Variants in DFFA observed in about 807,000 individuals in gnomAD.
DFFA encodes DFF45.
A neutral mutation model predicts 28.0 loss-of-function variants in DFFA; 14 were observed. That is an observed-to-expected ratio of 0.50 (90% confidence interval 0.33 to 0.78). The LOEUF is 0.78. Among genes scored for constraint, DFFA ranks in the 30% least tolerant of loss-of-function variants. The probability of loss-of-function intolerance (pLI) is 0.02; values close to 1 mark genes in which losing one functional copy is unlikely to be tolerated. For synonymous variants in DFFA, 158 were observed against 170.3 expected, an observed-to-expected ratio of 0.93 and a Z score of 0.56; for missense variants, 395 against 407.1, an observed-to-expected ratio of 0.97 and a Z score of 0.26.
At chr1:10,469,916 A>C (rs1478162725) in intron 1 of DFFA, among the ~76,000 whole-genome samples, 4 of 151,052 alleles carry the variant, frequency 2.6e-5, no homozygotes, top group Admixed American at 1.3e-4. Flanking sequence ...TCCCGGGTTC[A>C]AGCAACTCTC....
In DFFA at chr1:10,472,167, G is replaced by T; in HGVS notation, c.136+156C>A. The T allele has an allele frequency of 1.1e-6, 1 of 874,706 alleles. No individual in the cohort carries two copies. Among genetic ancestry groups the T allele is most frequent in the Non-Finnish European group, 1.6e-6 (1 of 611,082 alleles). 54.2% of individuals were successfully genotyped at this position (874,706 alleles called of 1,614,324 possible). ...AATTACGCTCAAGCGCCTTAAATCT[G>T]TAAATCGCTATGCCCACTCGGACCG... On this transcript the variant is annotated intron_variant, in intron 1 of 5. Transcript: ENST00000377038. The surrounding 1 kb of genome is among the most constrained non-coding windows in gnomAD (Gnocchi z 5.0).
chr1:10,471,985 T>G (rs1476742558), intron 1 of DFFA, among the ~76,000 whole-genome samples: 1 of 152,130 alleles, frequency 6.6e-6, no homozygotes, highest in African/African-American at 2.4e-5. Context: ...TGGGGGTTCT[T>G]GTACCATCTG....
At chr1:10,469,732 G>T (rs550102674) in intron 1 of DFFA, among the ~76,000 whole-genome samples, 1 of 151,956 alleles carries the variant, frequency 6.6e-6, no homozygotes, top group East Asian at 1.9e-4. Context: ...TGTTGACCAG[G>T]CTGGTCTCGA....
chr1:10,463,341 GCC>G, intron 4 of DFFA, 88 bp downstream of exon 4: 1 of 1,545,876 alleles, frequency 6.5e-7, no homozygotes, highest in Non-Finnish European at 8.8e-7. Context: ...GGCTTCAGTG[GCC>G]CTGGCTACAT....
Position 10,461,820 on chromosome 1 carries a change from A to G in DFFA, c.784-118T>C, listed in dbSNP as rs1013485106. 6.0e-6 allele frequency: 9 copies of G among 1,488,164 alleles called. No homozygotes were observed. The African/African-American group carries it at 7.0e-5, about 12-fold the overall frequency. The allele number at this position is 1,488,164 out of a possible 1,614,324, so 92.2% of individuals were successfully genotyped here. On this transcript the variant is annotated intron_variant, in intron 5 of 5. Coordinates refer to ENST00000377038, the MANE Select transcript of DFFA (RefSeq NM_004401.3). ...GTATCCGTTTATGTTACCTCTTTACACTGAAATGCCGGGTTTCCTTTACCA... is the reference window on the plus strand; with the variant it reads ...GTATCCGTTTATGTTACCTCTTTACGCTGAAATGCCGGGTTTCCTTTACCA...
intron 2 of DFFA, among the ~76,000 whole-genome samples, chr1:10,467,614 G>A (rs1229037195): frequency 6.6e-6 from 1 of 151,714 alleles, no homozygotes; most frequent in South Asian, 2.1e-4. Context: ...GAGTTCAAGC[G>A]ATTCTCCTGC....
At position 10,460,530 on chromosome 1, in the gene DFFA, CTTTTT is replaced by C. The variant is rs58464882; in HGVS notation, c.*955_*959del. The C allele has an allele frequency of 1.3e-4, 14 of 109,824 alleles. No homozygotes were observed. Among genetic ancestry groups the C allele is most frequent in the Non-Finnish European group, 1.3e-4 (7 of 52,824 alleles). 6.8% of individuals were successfully genotyped at this position (109,824 alleles called of 1,614,324 possible). A position where few individuals can be genotyped will look rare whatever the true frequency, so the allele number is the denominator to read the frequency against. ...GGTGTGAGCCACTGTCGTGCCTGTC[CTTTTT>C]TTTTTTTTTTTTGAGACAGAGTGTC... On this transcript the variant is annotated 3_prime_UTR_variant, in exon 6 of 6. Coordinates refer to ENST00000377038, the MANE Select transcript of DFFA (RefSeq NM_004401.3).
In DFFA at chr1:10,461,408, A is replaced by G. The variant is rs934157543; in HGVS notation, c.*82T>C. The G allele has an allele frequency of 6.6e-7, 1 of 1,521,312 alleles. No homozygotes were observed. Among genetic ancestry groups the G allele is most frequent in the African/African-American group, 1.4e-5 (1 of 72,914 alleles). 94.2% of individuals were successfully genotyped at this position (1,521,312 alleles called of 1,614,324 possible). A position where few individuals can be genotyped will look rare whatever the true frequency, so the allele number is the denominator to read the frequency against. ...TCTAAGGCAGGGGGTAGAGTAGTAC[A>G]TAGGTAGTCAAATGATGAGGCTGAG... is the stretch of plus-strand genomic sequence containing the variant. On this transcript the variant is annotated 3_prime_UTR_variant, in exon 6 of 6. Transcript: ENST00000377038.
At chr1:10,461,839 T>C in intron 5 of DFFA, 137 bp from the exon 6 acceptor site, 1 of 1,462,134 alleles carries the variant, frequency 6.8e-7, no homozygotes, top group Non-Finnish European at 9.0e-7. Flanking sequence ...CCGGGTTTCC[T>C]TTACCATTAA....
chr1:10,456,582 T>A lies in DFFA; in HGVS notation c.*4908A>T, dbSNP rs1036935286. 4 of 151,974 alleles carry A rather than the reference T, an allele frequency of 2.6e-5. No homozygotes were observed. The highest frequency in any genetic ancestry group is 4.4e-5 in the Non-Finnish European group (3 of 68,004). 9.4% of individuals were successfully genotyped at this position (151,974 alleles called of 1,614,324 possible). A position where few individuals can be genotyped will look rare whatever the true frequency, so the allele number is the denominator to read the frequency against. On this transcript the variant is annotated 3_prime_UTR_variant, in exon 6 of 6. Coordinates refer to ENST00000377038, the MANE Select transcript of DFFA (RefSeq NM_004401.3). ...ATTAAAGATACATTAATAATTCTTG[T>A]AATTGATGCAGGTTTTCTTTTTTCT...
intron 4 of DFFA, 104 bp downstream of exon 4, chr1:10,463,327 C>A: frequency 6.5e-7 from 1 of 1,545,088 alleles, no homozygotes; most frequent in South Asian, 1.2e-5. Context: ...ATCCCAGCAG[C>A]CGCGGCTTCA....
intron 1 of DFFA, among the ~76,000 whole-genome samples, chr1:10,471,031 C>A (rs530224684): frequency 2.4e-3 from 347 of 142,836 alleles, no homozygotes; most frequent in Non-Finnish European, 4.1e-3. Flanking sequence ...CCACTGCACT[C>A]CAGCCTGGGT....
Position 10,456,606 on chromosome 1 carries a change from C to T in DFFA, c.*4884G>A, listed in dbSNP as rs1349629452. On this transcript the variant is annotated 3_prime_UTR_variant, in exon 6 of 6. Coordinates refer to ENST00000377038, the MANE Select transcript of DFFA (RefSeq NM_004401.3). ...GTAATTGATGCAGGTTTTCTTTTTT[C>T]TACAGACTACTATTATTTTATTCTT... 4 of 142,762 alleles carry T rather than the reference C, an allele frequency of 2.8e-5. No homozygotes were observed. The highest frequency in any genetic ancestry group is 1.0e-4 in the African/African-American group (4 of 38,692). The allele number at this position is 142,762 out of a possible 1,614,324, so 8.8% of individuals were successfully genotyped here.
At position 10,462,659 on chromosome 1, in the gene DFFA, C is replaced by G; in HGVS notation, c.783+399G>C. ...TTCCTCAAGTTTTTAGCTCCCTGGT[C>G]TTAGCCAGCAGGCGACGATCCCCTC... On this transcript the variant is annotated intron_variant, in intron 5 of 5. Transcript: ENST00000377038. 2.9e-6 allele frequency: 3 copies of G among 1,024,640 alleles called. No homozygotes were observed. In the South Asian group the frequency reaches 1.2e-4, roughly 41 times the overall value. 63.5% of individuals were successfully genotyped at this position (1,024,640 alleles called of 1,614,324 possible). A position where few individuals can be genotyped will look rare whatever the true frequency, so the allele number is the denominator to read the frequency against.
chr1:10,466,829 T>C (rs1404003373), intron 3 of DFFA, among the ~76,000 whole-genome samples: 1 of 151,852 alleles, frequency 6.6e-6, no homozygotes. Flanking sequence ...GGTGTGCACC[T>C]GTAATTCCAG....
intron 1 of DFFA, among the ~76,000 whole-genome samples, chr1:10,470,559 G>T (rs1483010616): frequency 4.7e-5 from 7 of 150,370 alleles, no homozygotes; most frequent in African/African-American, 1.7e-4. Flanking sequence ...GGAGTAGCTG[G>T]GATTACAGGC....
In DFFA at chr1:10,459,916, T is replaced by C. The variant is rs1379631302; in HGVS notation, c.*1574A>G. The C allele has an allele frequency of 2.0e-5, 3 of 152,006 alleles. No homozygotes were observed. Among genetic ancestry groups the C allele is most frequent in the East Asian group, 1.9e-4 (1 of 5,154 alleles). The allele number at this position is 152,006 out of a possible 1,614,324, so 9.4% of individuals were successfully genotyped here. A position where few individuals can be genotyped will look rare whatever the true frequency, so the allele number is the denominator to read the frequency against. On this transcript the variant is annotated 3_prime_UTR_variant, in exon 6 of 6. Coordinates refer to ENST00000377038, the MANE Select transcript of DFFA (RefSeq NM_004401.3). ...TTTTTTTGTAGAGACAGGGTCTTGC[T>C]ATGTTGCCTAAGCTGACAATTACTT...
chr1:10,467,699 C>T (rs1225895272), intron 2 of DFFA, among the ~76,000 whole-genome samples: 2 of 152,038 alleles, frequency 1.3e-5, no homozygotes, highest in Non-Finnish European at 2.9e-5. Flanking sequence ...TTAGTAGAGA[C>T]GGGCTTTCAC....
Position 10,458,730 on chromosome 1 carries a change from T to C in DFFA, c.*2760A>G, listed in dbSNP as rs1279752059. ...ATTTTTGTATTTTTAGTAGACTGGG[T>C]TTTGTCACGTTGGCCAGGCTGGTCT... On this transcript the variant is annotated 3_prime_UTR_variant, in exon 6 of 6. Transcript: ENST00000377038. 2 of 151,978 alleles carry C rather than the reference T, an allele frequency of 1.3e-5. No homozygotes were observed. The highest frequency in any genetic ancestry group is 6.6e-5 in the Admixed American group (1 of 15,220). The allele number at this position is 151,978 out of a possible 1,614,324, so 9.4% of individuals were successfully genotyped here. A position where few individuals can be genotyped will look rare whatever the true frequency, so the allele number is the denominator to read the frequency against.
Sources: gnomAD v4.1 joint callset for allele counts (sites outside exome capture counted in the v4.1 genomes callset) on GRCh38, gnomAD v4.1.1 for gene constraint, Gnocchi (gnomAD v3.1) non-coding constraint, MANE v1.5 for transcripts, NCBI Gene and HGNC (gene_info 2026-07-23, HGNC 2026-07-21) for gene names.